Variants in OR51B5 observed in about 807,000 individuals in gnomAD.
OR51B5 encodes olfactory receptor family 51 subfamily B member 5.
For missense variants in OR51B5, 456 were observed against 374.6 expected (o/e 1.22, Z -1.79); for synonymous variants, 186 against 144.8 (o/e 1.28, Z -2.04).
At chr11:5,402,028 T>C (rs12798029) in intron 1 of OR51B5, among the ~76,000 whole-genome samples, 113,664 of 150,798 alleles carry the variant, frequency 0.75, 44,581 homozygotes, top group Non-Finnish European at 0.87. Flanking sequence ...TTTCTCTTCC[T>C]TTTTCTTTTG....
chr11:5,376,129 A>G (rs904867201), intron 1 of OR51B5, among the ~76,000 whole-genome samples: 1 of 152,154 alleles, frequency 6.6e-6, no homozygotes, highest in Non-Finnish European at 1.5e-5. Context: ...ACCACAGTGC[A>G]ATCAAACTAG....
At chr11:5,428,799 C>T (rs750132716) in intron 1 of OR51B5, among the ~76,000 whole-genome samples, 6 of 152,180 alleles carry the variant, frequency 3.9e-5, no homozygotes, top group Non-Finnish European at 4.4e-5. Flanking sequence ...AGTCCCTCCC[C>T]CAAACTAATC....
chr11:5,471,390 C>A (rs936664391), intron 1 of OR51B5, among the ~76,000 whole-genome samples: 1 of 152,052 alleles, frequency 6.6e-6, no homozygotes, highest in African/African-American at 2.4e-5. Flanking sequence ...GTAATCCCAG[C>A]ACTTTGGGAG....
At chr11:5,390,657 A>T in intron 1 of OR51B5, 1 of 359,686 alleles carries the variant, frequency 2.8e-6, no homozygotes, top group Non-Finnish European at 5.0e-6. Context: ...TGTAACTAAA[A>T]CTAAAATGAA....
chr11:5,422,038 A>T, intron 1 of OR51B5: 1 of 607,726 alleles, frequency 1.6e-6, no homozygotes, highest in Non-Finnish European at 2.9e-6. Context: ...AGGAAAGGAT[A>T]TCATATATCA....
chr11:5,358,376 T>A (rs1322270161), intron 1 of OR51B5, among the ~76,000 whole-genome samples: 1 of 152,082 alleles, frequency 6.6e-6, no homozygotes, highest in African/African-American at 2.4e-5. Flanking sequence ...TCTACACAAA[T>A]AAACTAGAAA....
intron 1 of OR51B5, among the ~76,000 whole-genome samples, chr11:5,374,143 G>C (rs1589960441): frequency 6.6e-6 from 1 of 152,126 alleles, no homozygotes; most frequent in Non-Finnish European, 1.5e-5. Flanking sequence ...ACTTCCAGAG[G>C]AACGATCAGA....
At chr11:5,341,867 G>C (rs889448851), downstream of OR51B5, among the ~76,000 whole-genome samples, 1 of 152,184 alleles carries the variant, frequency 6.6e-6, no homozygotes, top group African/African-American at 2.4e-5. Flanking sequence ...GAGCAAGATA[G>C]AAGGAGGTAC....
chr11:5,379,955 T>C (rs1849585941), intron 1 of OR51B5, among the ~76,000 whole-genome samples: 1 of 151,460 alleles, frequency 6.6e-6, no homozygotes, highest in South Asian at 2.1e-4. Flanking sequence ...TCTTGGACTT[T>C]TAAGTCACCA....
At chr11:5,356,803 G>T (rs1475974300) in intron 1 of OR51B5, among the ~76,000 whole-genome samples, 1 of 125,926 alleles carries the variant, frequency 7.9e-6, no homozygotes, top group Non-Finnish European at 1.8e-5. Flanking sequence ...CAAGCCAGAA[G>T]AGAGTGGGGG....
At chr11:5,398,429 C>CA (rs1397996219) in intron 1 of OR51B5, among the ~76,000 whole-genome samples, 2 of 151,928 alleles carry the variant, frequency 1.3e-5, no homozygotes, top group Non-Finnish European at 2.9e-5. Context: ...TCAGCTTTTT[C>CA]AAAAAATGGG....
intron 1 of OR51B5, among the ~76,000 whole-genome samples, chr11:5,451,682 A>G (rs17295737): frequency 0.12 from 18,652 of 152,194 alleles, 1,482 homozygotes; most frequent in Admixed American, 0.18. Flanking sequence ...TAGATACCTC[A>G]TATGTTCCTG....
intron 1 of OR51B5, chr11:5,488,813 C>A: frequency 3.1e-6 from 5 of 1,614,054 alleles, no homozygotes; most frequent in Non-Finnish European, 4.2e-6. Flanking sequence ...CCTTTCTGTG[C>A]CATGTATCTT....
At chr11:5,469,445 G>A (rs929602028) in intron 1 of OR51B5, 3 of 152,186 alleles carry the variant, frequency 2.0e-5, no homozygotes, top group Non-Finnish European at 4.4e-5. Flanking sequence ...GTGACTTTTA[G>A]GCAAACGCAA....
chr11:5,368,018 A>G (rs1343707187), intron 1 of OR51B5, among the ~76,000 whole-genome samples: 3 of 152,114 alleles, frequency 2.0e-5, no homozygotes, highest in African/African-American at 7.2e-5. Context: ...TTCTAATTAT[A>G]TCTTACACCC....
At chr11:5,372,359 T>A (rs4300412) in intron 1 of OR51B5, among the ~76,000 whole-genome samples, 41,231 of 152,108 alleles carry the variant, frequency 0.27, 5,867 homozygotes, top group African/African-American at 0.33. Context: ...TTTTCTATAA[T>A]GGCTATGTTA....
chr11:5,344,042 G>A (rs1162475331), upstream of OR51B5, among the ~76,000 whole-genome samples: 2 of 152,190 alleles, frequency 1.3e-5, no homozygotes, highest in African/African-American at 4.8e-5. Flanking sequence ...AAAAGTGTGG[G>A]AAGAGAAACT....
chr11:5,457,932 T>G (rs374792252), intron 1 of OR51B5, among the ~76,000 whole-genome samples: 2 of 152,208 alleles, frequency 1.3e-5, no homozygotes, highest in Non-Finnish European at 2.9e-5. Flanking sequence ...AGTCTATTGA[T>G]AGCTTCTTTT....
intron 1 of OR51B5, among the ~76,000 whole-genome samples, chr11:5,462,952 CT>C (rs1287725680): frequency 6.6e-6 from 1 of 152,156 alleles, no homozygotes; most frequent in East Asian, 1.9e-4. Context: ...AATCAAGAAT[CT>C]GTTCCAAAAA....
Sources: gnomAD v4.1 joint callset for allele counts (sites outside exome capture counted in the v4.1 genomes callset) on GRCh38, gnomAD v4.1.1 for gene constraint, MANE v1.5 for transcripts, NCBI Gene and HGNC (gene_info 2026-07-23, HGNC 2026-07-21) for gene names.